NCKAP5: variants seen among roughly 807,000 people sequenced by gnomAD.
NCKAP5 encodes NCK associated protein 5, also known as nck-associated protein 5.
A neutral mutation model predicts 167.0 loss-of-function variants in NCKAP5; 92 were observed. The ratio of observed to expected loss-of-function variants is 0.55; its 90% CI spans 0.47 to 0.66. The LOEUF (loss-of-function observed/expected upper bound fraction) is 0.66, where lower values mean the gene tolerates loss of function less well. NCKAP5 is among the 30% of genes least tolerant of loss of function. The pLI is 0.00. For synonymous variants in NCKAP5, 891 were observed against 877.4 expected (o/e 1.02, Z -0.27); for missense variants, 2,378 against 2,315.0 (o/e 1.03, Z -0.56).
At chr2:132,738,069 T>C (rs951075703) in intron 16 of NCKAP5, among the ~76,000 whole-genome samples, 1 of 152,256 alleles carries the variant, frequency 6.6e-6, no homozygotes, top group East Asian at 1.9e-4. Flanking sequence ...GAACCTCTTC[T>C]TGTGAAATCA....
chr2:133,632,652 G>A, the NCKAP5 span, among the ~76,000 whole-genome samples: 24 of 152,310 alleles, frequency 1.6e-4, no homozygotes, highest in South Asian at 1.2e-3. Flanking sequence ...ATCCTCCTGC[G>A]TCAGAGATGG....
At chr2:132,924,992 T>C (rs1194596172) in intron 8 of NCKAP5, among the ~76,000 whole-genome samples, 1 of 152,196 alleles carries the variant, frequency 6.6e-6, no homozygotes, top group Non-Finnish European at 1.5e-5. Context: ...TAGAATTGTA[T>C]GTTTTGCATC....
intron 6 of NCKAP5, among the ~76,000 whole-genome samples, chr2:133,055,008 A>G (rs1362680659): frequency 2.0e-5 from 3 of 152,212 alleles, no homozygotes; most frequent in Admixed American, 2.0e-4. Flanking sequence ...ATAACTCTTG[A>G]AAGTCTATTT....
intron 3 of NCKAP5, among the ~76,000 whole-genome samples, chr2:133,468,304 T>C (rs1309942322): frequency 6.9e-5 from 10 of 144,486 alleles, no homozygotes; most frequent in East Asian, 2.2e-4. Context: ...GTTCAGTTTC[T>C]ATGTAGTTGA....
intron 6 of NCKAP5, among the ~76,000 whole-genome samples, chr2:133,019,706 G>A (rs1291672279): frequency 2.0e-5 from 3 of 152,108 alleles, no homozygotes; most frequent in Non-Finnish European, 4.4e-5. Flanking sequence ...TTAGAAAAGT[G>A]GAGAAAATAA....
chr2:132,970,513 C>A (rs1354161080), intron 7 of NCKAP5, among the ~76,000 whole-genome samples: 1 of 152,144 alleles, frequency 6.6e-6, no homozygotes, highest in Non-Finnish European at 1.5e-5. Context: ...AACTTTCACT[C>A]CCCACATATT....
chr2:133,474,860 G>C (rs953516189), intron 3 of NCKAP5, among the ~76,000 whole-genome samples: 3 of 151,888 alleles, frequency 2.0e-5, no homozygotes, highest in African/African-American at 7.3e-5. Flanking sequence ...GCCCAGGCTA[G>C]AGTGCAGTGG....
chr2:133,143,094 G>GT (rs11330950), intron 5 of NCKAP5, among the ~76,000 whole-genome samples: 6,013 of 148,634 alleles, frequency 0.04, 295 homozygotes, highest in African/African-American at 0.12. Flanking sequence ...TTAAAAACGT[G>GT]TTTTTTTTTT....
chr2:133,448,407 T>C (rs1691345189), intron 3 of NCKAP5, among the ~76,000 whole-genome samples: 1 of 152,108 alleles, frequency 6.6e-6, no homozygotes. Flanking sequence ...TTAACTAATC[T>C]ATCCTGTATA....
intron 3 of NCKAP5, among the ~76,000 whole-genome samples, chr2:133,489,732 T>C (rs1681271320): frequency 6.6e-6 from 1 of 152,206 alleles, no homozygotes; most frequent in Non-Finnish European, 1.5e-5. Flanking sequence ...GTGTTTGTAT[T>C]TGTTTTTGTG....
At chr2:133,384,129 C>T (rs1269003427) in intron 3 of NCKAP5, among the ~76,000 whole-genome samples, 2 of 152,148 alleles carry the variant, frequency 1.3e-5, no homozygotes, top group Non-Finnish European at 1.5e-5. Flanking sequence ...GAAGTCCTTG[C>T]CCATGCCTAT....
intron 6 of NCKAP5, among the ~76,000 whole-genome samples, chr2:133,083,732 G>A (rs951243386): frequency 2.6e-5 from 4 of 152,088 alleles, no homozygotes; most frequent in Non-Finnish European, 4.4e-5. Flanking sequence ...TCATTCACTC[G>A]TTCATTCTTT....
chr2:133,654,403 A>AATAT, the NCKAP5 span, among the ~76,000 whole-genome samples: 1 of 151,420 alleles, frequency 6.6e-6, no homozygotes, highest in East Asian at 1.9e-4. Context: ...TAAATAAATA[A>AATAT]ATAAATAAAT....
chr2:133,232,213 T>C (rs2087184470), intron 4 of NCKAP5, among the ~76,000 whole-genome samples: 1 of 152,146 alleles, frequency 6.6e-6, no homozygotes, highest in African/African-American at 2.4e-5. Flanking sequence ...GTCTGTAGTT[T>C]CAGCTACTCA....
At position 133,540,863 on chromosome 2, in the gene NCKAP5, G is replaced by C. The variant is rs866532590; in HGVS notation, c.-62+18187C>G. 6.7e-5 allele frequency among the ~76,000 whole-genome samples: 10 copies of C among 149,388 alleles called. No individual in the cohort carries two copies. In the Middle Eastern group the frequency reaches 0.011, roughly 158 times the overall value. ...AGGCATGAAAATCTCTTAAACCCAG[G>C]AGGTGGAGGTGCAGCAAGCCGAGAT... On this transcript the variant is annotated intron_variant, in intron 2 of 19. Transcript: ENST00000409261.
chr2:133,498,079 GC>G (rs1271104942), intron 3 of NCKAP5, among the ~76,000 whole-genome samples: 18 of 152,156 alleles, frequency 1.2e-4, no homozygotes, highest in African/African-American at 4.3e-4. Flanking sequence ...GAAATTTCAT[GC>G]TAGGTTTTAG....
chr2:132,772,567 G>A (rs571021528), intron 16 of NCKAP5, among the ~76,000 whole-genome samples: 1 of 152,288 alleles, frequency 6.6e-6, no homozygotes, highest in South Asian at 2.1e-4. Context: ...ACAATGTCAT[G>A]TTTGAAGGCT....
intron 5 of NCKAP5, among the ~76,000 whole-genome samples, chr2:133,139,373 A>T (rs76734769): frequency 0.033 from 4,986 of 152,344 alleles, 109 homozygotes; most frequent in Middle Eastern, 0.082. Context: ...TTTGGGGGTT[A>T]GTGAAAGTAT....
intron 5 of NCKAP5, among the ~76,000 whole-genome samples, chr2:133,200,228 T>A (rs1410330326): frequency 6.6e-6 from 1 of 151,994 alleles, no homozygotes; most frequent in Non-Finnish European, 1.5e-5. Flanking sequence ...TTGTGTTATT[T>A]GATTACTACA....
Sources: allele counts gnomAD v4.1 joint callset (sites outside exome capture counted in the v4.1 genomes callset), GRCh38; gene constraint gnomAD v4.1.1; transcripts MANE v1.5; gene names NCBI Gene and HGNC (gene_info 2026-07-23, HGNC 2026-07-21).